Variants in SH3TC2 observed in about 807,000 individuals in gnomAD.
SH3TC2 encodes the protein SH3 domain and tetratricopeptide repeats 2, also known as SH3 domain and tetratricopeptide repeat-containing protein 2.
SH3TC2 carries 87 observed loss-of-function variants against 124.5 expected under a neutral mutation model. The observed-to-expected ratio is 0.70, with a 90% confidence interval of 0.59 to 0.84. SH3TC2 has a LOEUF of 0.84. SH3TC2 is among the 40% of genes least tolerant of loss of function. The pLI is 0.00. For synonymous variants in SH3TC2, 634 were observed against 628.5 expected (o/e 1.01, Z -0.13); for missense variants, 1,536 against 1,566.4 (o/e 0.98, Z 0.33).
At position 149,028,123 on chromosome 5, in the gene SH3TC2, GC is replaced by G; in HGVS notation, c.1608del (p.Leu537Ter). ...GAGAGTTTGACCTTCCTGATGCTCAGCCGGCCCAGGAGGAAGCAGAGACGGG... is the reference window on the plus strand; with the variant it reads ...GAGAGTTTGACCTTCCTGATGCTCAGCGGCCCAGGAGGAAGCAGAGACGGG... The part of the protein sequence containing the change: ...AHARLCFLLG[R>X]LSIRKVKLSQ... On this transcript the variant is annotated frameshift_variant, in exon 11 of 17. Coordinates refer to ENST00000515425, the MANE Select transcript of SH3TC2 (RefSeq NM_024577.4). LOFTEE classifies it high-confidence loss of function. The G allele has an allele frequency of 6.2e-7, 1 of 1,614,078 alleles. No homozygotes were observed. Among genetic ancestry groups the G allele is most frequent in the Non-Finnish European group, 8.5e-7 (1 of 1,180,020 alleles).
intron 14 of SH3TC2, 88 bp from the exon 15 acceptor site, chr5:149,009,089 G>T (rs1222862130): frequency 2.5e-5 from 39 of 1,549,276 alleles, no homozygotes; most frequent in Non-Finnish European, 3.4e-5. Flanking sequence ...ACAGGCAGGG[G>T]TTGGGGAACG....
At position 149,052,243 on chromosome 5, in the gene SH3TC2, G is replaced by A. The variant is rs771541595; in HGVS notation, c.53-3C>T. ...ATCCTTGGAAGGAGTTTCTTTACCTGGAGAAGATGAAATAAAAGGTCATCT... is the reference window on the plus strand; with the variant it reads ...ATCCTTGGAAGGAGTTTCTTTACCTAGAGAAGATGAAATAAAAGGTCATCT... On this transcript the variant is annotated splice_region_variant and splice_polypyrimidine_tract_variant and intron_variant, in intron 1 of 16. Coordinates refer to ENST00000515425, the MANE Select transcript of SH3TC2 (RefSeq NM_024577.4). 5.6e-6 allele frequency: 9 copies of A among 1,595,772 alleles called. No homozygotes were observed. In the East Asian group the frequency reaches 1.8e-4, roughly 32 times the overall value.
intron 1 of SH3TC2, among the ~76,000 whole-genome samples, chr5:149,053,490 G>T: frequency 6.6e-6 from 1 of 152,210 alleles, no homozygotes; most frequent in South Asian, 2.1e-4. Context: ...CTTGTTAGCT[G>T]TTCAGTGCTG....
intron 1 of SH3TC2, among the ~76,000 whole-genome samples, chr5:149,058,076 G>A (rs146191868): frequency 7.3e-4 from 111 of 152,228 alleles, no homozygotes; most frequent in African/African-American, 2.5e-3. Context: ...CAGAGCTTAG[G>A]AAAGATAGCT....
In SH3TC2 at chr5:148,991,791, C is replaced by A. The variant is rs1269879813; in HGVS notation, c.*12920G>T. 6.6e-6 allele frequency among the ~76,000 whole-genome samples: 1 copy of A among 152,208 alleles called. No homozygotes were observed. The highest frequency in any genetic ancestry group is 2.1e-4 in the South Asian group (1 of 4,826). Reference sequence around the variant, plus strand: ...CCTGCCCTGAATCACTCTATACTCACAACAGAAACAGCTGGTGTCAGAGAA... The same window carrying A: ...CCTGCCCTGAATCACTCTATACTCAAAACAGAAACAGCTGGTGTCAGAGAA... On this transcript the variant is annotated 3_prime_UTR_variant, in exon 17 of 17. Coordinates refer to ENST00000515425, the MANE Select transcript of SH3TC2 (RefSeq NM_024577.4).
chr5:149,040,461 G>C (rs1754350109), intron 7 of SH3TC2, 143 bp downstream of exon 7: 1 of 762,142 alleles, frequency 1.3e-6, no homozygotes, highest in South Asian at 1.5e-5. Context: ...CATGTGCACA[G>C]ACAGAAACTG....
Position 149,004,640 on chromosome 5 carries a change from G to A in SH3TC2, c.*71C>T, listed in dbSNP as rs1025213197. 11 of 1,545,500 alleles carry A rather than the reference G, an allele frequency of 7.1e-6. No individual in the cohort carries two copies. Among genetic ancestry groups the A allele is most frequent in the Non-Finnish European group, 8.8e-6 (10 of 1,132,756 alleles). ...GTAAGGACTCGGACCCTCCCAATGA[G>A]TATTTAAGAGCCTAGGGCAGTGGGG... On this transcript the variant is annotated 3_prime_UTR_variant, in exon 17 of 17. Transcript: ENST00000515425.
At position 148,990,523 on chromosome 5, in the gene SH3TC2, G is replaced by A. The variant is rs532583447; in HGVS notation, c.*14188C>T. ...GAGCAGCTTGGTGGCGAACAGCATG[G>A]GCCCTTGGACCAGATCAATTGAATG... is the stretch of plus-strand genomic sequence containing the variant. On this transcript the variant is annotated 3_prime_UTR_variant, in exon 17 of 17. Coordinates refer to ENST00000515425, the MANE Select transcript of SH3TC2 (RefSeq NM_024577.4). Among the ~76,000 whole-genome samples the A allele has an allele frequency of 6.6e-5, 10 of 152,192 alleles. No homozygotes were observed. The East Asian group carries it at 1.9e-3, about 29-fold the overall frequency.
In SH3TC2 at chr5:148,985,249, T is replaced by C. The variant is rs931373240; in HGVS notation, c.*19462A>G. On this transcript the variant is annotated 3_prime_UTR_variant, in exon 17 of 17. Transcript: ENST00000515425. ...CCCTGTTATGAAGGTATAATTTATA[T>C]ATAATAAAATTCATTATTTTTTAGT... is the stretch of plus-strand genomic sequence containing the variant. Among the ~76,000 whole-genome samples, 1 of 152,204 alleles carries C rather than the reference T, an allele frequency of 6.6e-6. No individual in the cohort carries two copies. Among genetic ancestry groups the C allele is most frequent in the Non-Finnish European group, 1.5e-5 (1 of 68,020 alleles).
chr5:149,032,599 TATTTAATCCACAC>T (rs1187088902), intron 8 of SH3TC2, among the ~76,000 whole-genome samples: 1 of 152,216 alleles, frequency 6.6e-6, no homozygotes, highest in African/African-American at 2.4e-5. Context: ...ACTGTTATTT[TATTTAATCCACAC>T]ATTTGCCATA....
Position 148,994,614 on chromosome 5 carries a change from G to A in SH3TC2, c.*10097C>T, listed in dbSNP as rs1580880119. ...TGGGTGGTTAGATGGTTGGTTGGTT[G>A]GTTGGTTGGTTGGTTGGTTGGTTGG... is the stretch of plus-strand genomic sequence containing the variant. On this transcript the variant is annotated 3_prime_UTR_variant, in exon 17 of 17. Transcript: ENST00000515425. 6.9e-6 allele frequency among the ~76,000 whole-genome samples: 1 copy of A among 144,502 alleles called. No homozygotes were observed. The highest frequency in any genetic ancestry group is 1.5e-5 in the Non-Finnish European group (1 of 66,300). The allele number at this position is 144,502 out of a possible 152,430, so 94.8% of individuals were successfully genotyped here.
chr5:149,031,558 C>A lies in SH3TC2; in HGVS notation c.1131G>T (p.Arg377=). Residue 377 remains arginine (R), a synonymous_variant, in exon 9 of 17, where the codon CGG becomes CGT. Coordinates refer to ENST00000515425, the MANE Select transcript of SH3TC2 (RefSeq NM_024577.4). ...TGTCTGAGGACCAACACTCACTGAG[C>A]CGGTAGACAGATGTGATGTCAGTGC... ...LARTDITSVY[R]LSGFESIQNP... is the part of the protein sequence containing the mutation. The A allele has an allele frequency of 5.0e-6, 8 of 1,614,102 alleles. No homozygotes were observed. Among genetic ancestry groups the A allele is most frequent in the Non-Finnish European group, 6.8e-6 (8 of 1,180,020 alleles).
intron 5 of SH3TC2, 29 bp downstream of exon 5, chr5:149,042,665 T>G: frequency 6.2e-7 from 1 of 1,613,762 alleles, no homozygotes; most frequent in Non-Finnish European, 8.5e-7. Flanking sequence ...CTGAATAAGA[T>G]CCCATCTCTA....
intron 15 of SH3TC2, chr5:149,007,379 C>T (rs1225381811): frequency 1.7e-6 from 1 of 584,764 alleles, no homozygotes; most frequent in East Asian, 2.8e-5. Flanking sequence ...TGGAGTGATT[C>T]CCAGAAGAAA....
rs1753512353 is a variant in SH3TC2, at chr5:148,996,506, G to A, written c.*8205C>T. On this transcript the variant is annotated 3_prime_UTR_variant, in exon 17 of 17. Transcript: ENST00000515425. ...AACAGACAAAAGTTAGTTTTGTTTT[G>A]TTTTATGAATAAGTAGCTTTTTGGT... Among the ~76,000 whole-genome samples the A allele has an allele frequency of 6.6e-6, 1 of 152,146 alleles. No individual in the cohort carries two copies. The highest frequency in any genetic ancestry group is 2.1e-4 in the South Asian group (1 of 4,830).
In SH3TC2 at chr5:148,987,761, A is replaced by G. The variant is rs10040798; in HGVS notation, c.*16950T>C. Among the ~76,000 whole-genome samples the G allele has an allele frequency of 0.76, 115,977 of 151,676 alleles. 44,903 individuals carry two copies. The highest frequency in any genetic ancestry group is 0.97 in the East Asian group (5,019 of 5,154). ...GTCACTCTCCCACCACTTAACAAGC[A>G]TGGGAAGCTCACCAAGTCATGTCCT... On this transcript the variant is annotated 3_prime_UTR_variant, in exon 17 of 17. Transcript: ENST00000515425.
chr5:149,021,071 A>G (rs1199071815), intron 12 of SH3TC2, among the ~76,000 whole-genome samples: 3 of 152,178 alleles, frequency 2.0e-5, no homozygotes, highest in African/African-American at 7.2e-5. Flanking sequence ...AAAAGAATAA[A>G]ATCATGCAAA....
rs371285170 is a variant in SH3TC2, at chr5:149,053,102, A to C, written c.53-862T>G. ...TTACCTGGTCCTGAAAAGCAGAGTT[A>C]GGGAACCTTGGCTCAACCACTATTT... On this transcript the variant is annotated intron_variant, in intron 1 of 16. Coordinates refer to ENST00000515425, the MANE Select transcript of SH3TC2 (RefSeq NM_024577.4). Among the ~76,000 whole-genome samples, 472 of 152,296 alleles carry C rather than the reference A, an allele frequency of 3.1e-3. 4 individuals carry two copies. The highest frequency in any genetic ancestry group is 0.011 in the African/African-American group (444 of 41,560).
At position 148,992,544 on chromosome 5, in the gene SH3TC2, C is replaced by A. The variant is rs1025746478; in HGVS notation, c.*12167G>T. Among the ~76,000 whole-genome samples, 3 of 149,522 alleles carry A rather than the reference C, an allele frequency of 2.0e-5. No homozygotes were observed. Among genetic ancestry groups the A allele is most frequent in the South Asian group, 2.1e-4 (1 of 4,688 alleles). On this transcript the variant is annotated 3_prime_UTR_variant, in exon 17 of 17. Coordinates refer to ENST00000515425, the MANE Select transcript of SH3TC2 (RefSeq NM_024577.4). ...GGCGTGCATTAAAGGGTCCATGAGG[C>A]CTTTGAAAGTATGTGTATGGGTGTG...
Sources: allele counts gnomAD v4.1 joint callset (sites outside exome capture counted in the v4.1 genomes callset), GRCh38; gene constraint gnomAD v4.1.1; transcripts MANE v1.5; gene names NCBI Gene and HGNC (gene_info 2026-07-23, HGNC 2026-07-21).